BACH2: variants seen among roughly 807,000 people sequenced by gnomAD.
BACH2 encodes the protein transcription regulator protein BACH2.
Under a neutral mutation model 61.8 loss-of-function variants are expected in BACH2, and 5 were observed. That is an observed-to-expected ratio of 0.08 (90% CI 0.04 to 0.17). The LOEUF (loss-of-function observed/expected upper bound fraction) is 0.17, where lower values mean the gene tolerates loss of function less well. BACH2 is among the 10% of genes least tolerant of loss of function. BACH2 has a pLI of 1.00. For missense variants in BACH2, 824 were observed against 1,091.1 expected (o/e 0.76, Z 3.45); for synonymous variants, 446 against 440.1 (o/e 1.01, Z -0.17).
chr6:90,045,856 C>T (rs1779752293), intron 5 of BACH2, among the ~76,000 whole-genome samples: 2 of 152,170 alleles, frequency 1.3e-5, no homozygotes, highest in African/African-American at 4.8e-5. Flanking sequence ...GCTTTTTAAT[C>T]ATGAGGCACT....
At chr6:90,249,490 G>A (rs77466181) in intron 3 of BACH2, among the ~76,000 whole-genome samples, 8,712 of 152,216 alleles carry the variant, frequency 0.057, 345 homozygotes, top group Admixed American at 0.097. Flanking sequence ...ATAAAAACAG[G>A]CCAGGCGCAG....
chr6:90,061,582 G>C (rs1189704398), intron 5 of BACH2, among the ~76,000 whole-genome samples: 3 of 152,108 alleles, frequency 2.0e-5, no homozygotes, highest in African/African-American at 4.8e-5. Context: ...CTGCCATAAA[G>C]GTTTGGGAGC....
Position 89,950,099 on chromosome 6 carries a change from T to G in BACH2, c.1836+171A>C. 1 of 751,730 alleles carries G rather than the reference T, an allele frequency of 1.3e-6. No homozygotes were observed. Among genetic ancestry groups the G allele is most frequent in the Non-Finnish European group, 2.3e-6 (1 of 443,240 alleles). The allele number at this position is 751,730 out of a possible 1,614,324, so 46.6% of individuals were successfully genotyped here. On this transcript the variant is annotated intron_variant, in intron 7 of 8. Coordinates refer to ENST00000257749, the MANE Select transcript of BACH2 (RefSeq NM_021813.4). The surrounding 1 kb of genome is among the most constrained non-coding windows in gnomAD (Gnocchi z 5.3). ...GCTTTTCTAGGACAGAAGTGGTTAATGTGGAATCACCTTCAGCATCCTGCC... is the reference window on the plus strand; with the variant it reads ...GCTTTTCTAGGACAGAAGTGGTTAAGGTGGAATCACCTTCAGCATCCTGCC...
intron 4 of BACH2, among the ~76,000 whole-genome samples, chr6:90,194,920 A>G (rs1768703994): frequency 6.6e-6 from 1 of 152,260 alleles, no homozygotes; most frequent in Admixed American, 6.5e-5. Flanking sequence ...TCGAAGAGAA[A>G]AACTGTAGTA....
chr6:89,995,503 C>T (rs1410465584), intron 6 of BACH2, among the ~76,000 whole-genome samples: 2 of 152,174 alleles, frequency 1.3e-5, no homozygotes, highest in Non-Finnish European at 1.5e-5. Context: ...TGACCCCTGC[C>T]CGGGTTACTG....
intron 6 of BACH2, among the ~76,000 whole-genome samples, chr6:90,004,733 G>A (rs1347337855): frequency 2.0e-5 from 3 of 152,190 alleles, no homozygotes; most frequent in African/African-American, 4.8e-5. Flanking sequence ...AGCTAAGGAG[G>A]TGTCATACTA....
chr6:90,236,099 A>G (rs1158819602), intron 3 of BACH2, among the ~76,000 whole-genome samples: 1 of 152,240 alleles, frequency 6.6e-6, no homozygotes, highest in African/African-American at 2.4e-5. Context: ...CTGTTTTACT[A>G]ACTAAATGCA....
chr6:90,032,772 G>T (rs1779061969), intron 5 of BACH2, among the ~76,000 whole-genome samples: 1 of 152,184 alleles, frequency 6.6e-6, no homozygotes, highest in South Asian at 2.1e-4. Context: ...CTGTAAACTA[G>T]TTCAATCATT....
chr6:89,978,633 T>TAAAAAAAAAAAAAA (rs753724278), intron 6 of BACH2, among the ~76,000 whole-genome samples: 50 of 86,040 alleles, frequency 5.8e-4, no homozygotes, highest in African/African-American at 6.5e-4. Context: ...GTGTTGGCTT[T>TAAAAAAAAAAAAAA]AAAAAAAAAA....
At chr6:90,204,089 C>T (rs554230934) in intron 4 of BACH2, among the ~76,000 whole-genome samples, 10 of 152,278 alleles carry the variant, frequency 6.6e-5, no homozygotes, top group African/African-American at 2.2e-4. Flanking sequence ...CAATCAGCAT[C>T]GCCCTGGCAC....
At chr6:90,087,687 G>C (rs912111727) in intron 5 of BACH2, among the ~76,000 whole-genome samples, 1 of 151,808 alleles carries the variant, frequency 6.6e-6, no homozygotes, top group Admixed American at 6.6e-5. Flanking sequence ...TTGCTGGCTT[G>C]AGTTACTCAT....
At chr6:89,986,429 C>T (rs1776246359) in intron 6 of BACH2, among the ~76,000 whole-genome samples, 1 of 152,078 alleles carries the variant, frequency 6.6e-6, no homozygotes, top group Non-Finnish European at 1.5e-5. Flanking sequence ...TGTTTTTTCC[C>T]TAATATCCAG....
intron 4 of BACH2, among the ~76,000 whole-genome samples, chr6:90,157,442 T>C (rs1363745380): frequency 6.6e-6 from 1 of 152,224 alleles, no homozygotes; most frequent in Non-Finnish European, 1.5e-5. Context: ...AAACTTTGAA[T>C]TGACCTAAAC....
chr6:90,009,027 A>G (rs1777563169), intron 5 of BACH2, among the ~76,000 whole-genome samples, 171 bp from the exon 6 acceptor site: 1 of 152,220 alleles, frequency 6.6e-6, no homozygotes, highest in Non-Finnish European at 1.5e-5. Context: ...TACTCTGTAC[A>G]ATGAGCTCAG....
chr6:89,969,474 A>T (rs1487398353), intron 6 of BACH2, among the ~76,000 whole-genome samples: 1 of 152,178 alleles, frequency 6.6e-6, no homozygotes, highest in Non-Finnish European at 1.5e-5. Flanking sequence ...GCAGAAGATG[A>T]GAGACAAGGG....
intron 6 of BACH2, among the ~76,000 whole-genome samples, chr6:89,984,884 G>A (rs1472900431): frequency 6.6e-6 from 1 of 152,088 alleles, no homozygotes; most frequent in African/African-American, 2.4e-5. Context: ...TACATATTAA[G>A]ATAAACACAA....
chr6:90,067,699 C>A (rs1781030133), intron 5 of BACH2, among the ~76,000 whole-genome samples: 2 of 152,096 alleles, frequency 1.3e-5, no homozygotes, highest in Non-Finnish European at 2.9e-5. Flanking sequence ...AGTTAAGCTG[C>A]CATTGAGCTT....
At chr6:90,174,173 C>G (rs1264129397) in intron 4 of BACH2, among the ~76,000 whole-genome samples, 1 of 151,840 alleles carries the variant, frequency 6.6e-6, no homozygotes, top group Admixed American at 6.6e-5. Flanking sequence ...ATGCAAAAAT[C>G]CTGAACAAAA....
At chr6:90,153,680 T>C (rs1346874201) in intron 4 of BACH2, among the ~76,000 whole-genome samples, 3 of 152,212 alleles carry the variant, frequency 2.0e-5, no homozygotes, top group Admixed American at 6.5e-5. Flanking sequence ...TCTCTCTCCA[T>C]GCTAATATTC....
Sources: allele counts gnomAD v4.1 joint callset (sites outside exome capture counted in the v4.1 genomes callset), GRCh38; gene constraint gnomAD v4.1.1; non-coding constraint Gnocchi (gnomAD v3.1); transcripts MANE v1.5; gene names NCBI Gene and HGNC (gene_info 2026-07-23, HGNC 2026-07-21).